UPP2: variants seen among roughly 807,000 people sequenced by gnomAD.
The protein encoded by UPP2 is UPase 2.
Under a neutral mutation model 26.7 loss-of-function variants are expected in UPP2, and 23 were observed. That is an observed-to-expected ratio of 0.86 (90% confidence interval 0.62 to 1.22). UPP2 has a LOEUF of 1.22. UPP2 is among the 50% of genes most tolerant of loss of function. The pLI, the probability that UPP2 is intolerant of heterozygous loss-of-function variation, is 0.00. For synonymous variants in UPP2, 127 were observed against 141.3 expected (o/e 0.90, Z 0.72); for missense variants, 387 against 396.7 (o/e 0.98, Z 0.21).
upstream of UPP2, among the ~76,000 whole-genome samples, chr2:158,098,854 A>C (rs575464686): frequency 6.6e-6 from 1 of 152,374 alleles, no homozygotes; most frequent in Admixed American, 6.5e-5. Flanking sequence ...TAGCTAATAG[A>C]AAATACTGTA....
chr2:158,004,665 C>G (rs1043063461), intron 2 of UPP2, among the ~76,000 whole-genome samples: 4 of 152,210 alleles, frequency 2.6e-5, no homozygotes, highest in Non-Finnish European at 5.9e-5. Context: ...AAACGCCCAA[C>G]TTTCTGTGCT....
intron 3 of UPP2, among the ~76,000 whole-genome samples, chr2:158,025,835 C>T (rs1220519652): frequency 2.0e-5 from 3 of 152,240 alleles, no homozygotes; most frequent in African/African-American, 7.2e-5. Context: ...GAACAATGTG[C>T]GTAGAGAGGT....
At chr2:158,029,606 G>C (rs1236477427) in intron 3 of UPP2, among the ~76,000 whole-genome samples, 4 of 152,126 alleles carry the variant, frequency 2.6e-5, no homozygotes, top group Non-Finnish European at 5.9e-5. Flanking sequence ...GAGCATAAAA[G>C]AATGCACTAT....
chr2:158,034,872 C>T (rs981088322), intron 3 of UPP2, among the ~76,000 whole-genome samples: 4 of 152,124 alleles, frequency 2.6e-5, no homozygotes, highest in African/African-American at 9.7e-5. Context: ...GTCAGTCCAG[C>T]CTGGAGAACT....
chr2:158,058,490 G>A (rs1270807062), intron 3 of UPP2, among the ~76,000 whole-genome samples: 2 of 149,994 alleles, frequency 1.3e-5, no homozygotes, highest in Non-Finnish European at 3.0e-5. Context: ...AGGACACAAC[G>A]AGAAGGTGGT....
chr2:158,031,841 C>T (rs1485887198), intron 3 of UPP2, among the ~76,000 whole-genome samples: 1 of 152,132 alleles, frequency 6.6e-6, no homozygotes, highest in Non-Finnish European at 1.5e-5. Context: ...GGGTAAAATA[C>T]TAGCGTTCTT....
intron 2 of UPP2, among the ~76,000 whole-genome samples, chr2:158,015,335 T>C (rs1157047623): frequency 1.3e-5 from 2 of 152,240 alleles, no homozygotes; most frequent in African/African-American, 4.8e-5. Flanking sequence ...TCATACAGTA[T>C]TGATCTTTTT....
At chr2:158,091,740 G>A (rs1481647892) in intron 3 of UPP2, among the ~76,000 whole-genome samples, 2 of 152,174 alleles carry the variant, frequency 1.3e-5, no homozygotes, top group South Asian at 2.1e-4. Flanking sequence ...AGGTGCCTGG[G>A]CTCCGTTTTA....
chr2:157,997,849 T>C (rs1683346235), intron 2 of UPP2, among the ~76,000 whole-genome samples: 1 of 152,194 alleles, frequency 6.6e-6, no homozygotes, highest in African/African-American at 2.4e-5. Flanking sequence ...AATCACCCCC[T>C]CTTACCACTA....
chr2:158,007,474 C>G (rs574491071), intron 2 of UPP2, among the ~76,000 whole-genome samples: 6 of 152,268 alleles, frequency 3.9e-5, no homozygotes, highest in Admixed American at 2.6e-4. Context: ...CTGAGTGTTC[C>G]CTGGCAACCA....
At chr2:158,053,975 C>A (rs28612352) in intron 3 of UPP2, among the ~76,000 whole-genome samples, 1,970 of 152,180 alleles carry the variant, frequency 0.013, 45 homozygotes, top group African/African-American at 0.045. Context: ...TGACTTACAG[C>A]AAAATATTAG....
At chr2:158,120,987 G>A (rs1487157169) in intron 4 of UPP2, among the ~76,000 whole-genome samples, 1 of 151,994 alleles carries the variant, frequency 6.6e-6, no homozygotes, top group African/African-American at 2.4e-5. Flanking sequence ...AAAAGAATCA[G>A]AAGAAAAAGA....
chr2:158,119,730 G>A (rs1683519652), intron 4 of UPP2, among the ~76,000 whole-genome samples: 1 of 151,914 alleles, frequency 6.6e-6, no homozygotes, highest in Non-Finnish European at 1.5e-5. Flanking sequence ...AAACTATCTG[G>A]CCAGGCATGG....
At chr2:158,133,348 T>C (rs1683863661) in intron 6 of UPP2, among the ~76,000 whole-genome samples, 1 of 152,082 alleles carries the variant, frequency 6.6e-6, no homozygotes, top group Non-Finnish European at 1.5e-5. Flanking sequence ...AGTAGAATGG[T>C]GGTTACCAGA....
At chr2:158,023,701 CCTT>C (rs1345530581) in intron 3 of UPP2, among the ~76,000 whole-genome samples, 1 of 152,102 alleles carries the variant, frequency 6.6e-6, no homozygotes, top group Non-Finnish European at 1.5e-5. Context: ...AGGTGCCTCT[CCTT>C]CTAACTGCCT....
intron 3 of UPP2, among the ~76,000 whole-genome samples, chr2:158,023,142 C>T (rs1683778788): frequency 7.5e-6 from 1 of 132,670 alleles, no homozygotes; most frequent in Admixed American, 8.7e-5. Flanking sequence ...GTGGGAAGGG[C>T]GTGTGTGAGG....
intron 2 of UPP2, among the ~76,000 whole-genome samples, chr2:158,108,534 G>C (rs1053607629): frequency 6.6e-6 from 1 of 151,972 alleles, no homozygotes; most frequent in Non-Finnish European, 1.5e-5. Context: ...TATTGGGATG[G>C]AAAGCTTTGT....
rs554355530 is a variant in UPP2 at position 158,014,649 on chromosome 2, C to A, written c.62-1152C>A. ...AAATTGCTGCTGCACAACATAAAAC[C>A]AAGCAATGAAACATAAGACATATGC... is the stretch of plus-strand genomic sequence containing the variant. On this transcript the variant is annotated intron_variant, in intron 2 of 9. Coordinates refer to the UPP2 transcript ENST00000605860. Among the ~76,000 whole-genome samples, 4 of 152,258 alleles carry A rather than the reference C, an allele frequency of 2.6e-5. No homozygotes were observed. In the South Asian group the frequency reaches 8.3e-4, roughly 32 times the overall value.
intron 3 of UPP2, among the ~76,000 whole-genome samples, chr2:158,021,671 T>G (rs1305262487): frequency 6.6e-6 from 1 of 152,194 alleles, no homozygotes; most frequent in African/African-American, 2.4e-5. Context: ...ATATTGGAAT[T>G]TAAGATTTTT....
Sources: gnomAD v4.1 joint callset for allele counts (sites outside exome capture counted in the v4.1 genomes callset) on GRCh38, gnomAD v4.1.1 for gene constraint, MANE v1.5 for transcripts, NCBI Gene and HGNC (gene_info 2026-07-23, HGNC 2026-07-21) for gene names.